The following SLC44A5 variants were observed in gnomAD, a reference collection of about 807,000 sequenced individuals.
SLC44A5 encodes solute carrier family 44 member 5, also known as choline transporter-like protein 5.
Under a neutral mutation model 101.8 loss-of-function variants are expected in SLC44A5, and 57 were observed. The observed-to-expected ratio is 0.56, with a 90% CI of 0.45 to 0.70. SLC44A5 has a LOEUF of 0.70. SLC44A5 is among the 30% of genes least tolerant of loss of function. The pLI, the probability that SLC44A5 is intolerant of heterozygous loss-of-function variation, is 0.00. For missense variants in SLC44A5, 737 were observed against 853.1 expected (o/e 0.86, Z 1.70); for synonymous variants, 281 against 290.9 (o/e 0.97, Z 0.35).
In SLC44A5 at chr1:75,603,753, G is replaced by GTTTTTTTT. The variant is rs57844833; in HGVS notation, c.-70+7279_-70+7286dup. ...TTAGTGATGTGGAGCATTTTTTCATGTTTTTTTTTTTTTTTTTGCTGCTTG... is the reference window on the plus strand; with the variant it reads ...TTAGTGATGTGGAGCATTTTTTCATGTTTTTTTTTTTTTTTTTTTTTTTTTGCTGCTTG... On this transcript the variant is annotated intron_variant, in intron 1 of 23. Transcript: ENST00000370859. Among the ~76,000 whole-genome samples, 269 of 54,028 alleles carry GTTTTTTTT rather than the reference G, an allele frequency of 5.0e-3. 16 individuals are homozygous for GTTTTTTTT. Among genetic ancestry groups the GTTTTTTTT allele is most frequent in the African/African-American group, 9.4e-3 (103 of 10,908 alleles). The allele number at this position is 54,028 out of a possible 152,430, so 35.4% of individuals were successfully genotyped here. A position where few individuals can be genotyped will look rare whatever the true frequency, so the allele number is the denominator to read the frequency against.
At chr1:75,392,394 C>T (rs772833324) in intron 3 of SLC44A5, among the ~76,000 whole-genome samples, 30 of 151,928 alleles carry the variant, frequency 2.0e-4, no homozygotes, top group African/African-American at 2.9e-4. Flanking sequence ...AAGAAACAAA[C>T]GAAAAAAATG....
upstream of SLC44A5, chr1:75,615,930 C>G: frequency 2.1e-6 from 2 of 973,924 alleles, no homozygotes; most frequent in Non-Finnish European, 2.4e-6. Flanking sequence ...GCGCTTCCTC[C>G]GGCTGCCGCG....
At chr1:75,426,642 A>C (rs1664323361) in intron 2 of SLC44A5, among the ~76,000 whole-genome samples, 1 of 152,352 alleles carries the variant, frequency 6.6e-6, no homozygotes. Flanking sequence ...ATAATTCTCC[A>C]TATGTGAAGA....
chr1:75,493,891 A>G (rs1668542474), intron 2 of SLC44A5, among the ~76,000 whole-genome samples: 1 of 152,192 alleles, frequency 6.6e-6, no homozygotes, highest in Admixed American at 6.5e-5. Flanking sequence ...TTCTCACTTC[A>G]AAGCAGCATC....
At chr1:75,659,067 T>C in the SLC44A5 span, among the ~76,000 whole-genome samples, 1 of 151,880 alleles carries the variant, frequency 6.6e-6, no homozygotes, top group Non-Finnish European at 1.5e-5. Context: ...CTAACAAGAT[T>C]AAATCATGAA....
At chr1:75,594,179 T>C (rs1674509887) in intron 1 of SLC44A5, among the ~76,000 whole-genome samples, 1 of 151,978 alleles carries the variant, frequency 6.6e-6, no homozygotes, top group South Asian at 2.1e-4. Flanking sequence ...ACATTGAGAC[T>C]ATCTCCAGTT....
chr1:75,311,969 TG>T (rs1375311693), intron 4 of SLC44A5, among the ~76,000 whole-genome samples: 4 of 152,144 alleles, frequency 2.6e-5, no homozygotes, highest in Admixed American at 1.3e-4. Flanking sequence ...GGTTTGGCTG[TG>T]TCCCCAACCC....
At chr1:75,632,799 C>T in the SLC44A5 span, among the ~76,000 whole-genome samples, 1 of 152,144 alleles carries the variant, frequency 6.6e-6, no homozygotes, top group Non-Finnish European at 1.5e-5. Context: ...AGTTACCTAA[C>T]ATCTCTGCTG....
chr1:75,596,191 A>G (rs1042800274), intron 1 of SLC44A5, among the ~76,000 whole-genome samples: 1 of 129,918 alleles, frequency 7.7e-6, no homozygotes, highest in African/African-American at 2.9e-5. Context: ...AGTTCAACAT[A>G]GTAGACACAT....
chr1:75,357,192 T>C (rs1295285894), intron 3 of SLC44A5: 2 of 455,806 alleles, frequency 4.4e-6, no homozygotes, highest in African/African-American at 4.0e-5. Flanking sequence ...CGTTATGCCT[T>C]TTCTTGGCCT....
upstream of SLC44A5, chr1:75,615,800 A>G: frequency 1.1e-6 from 1 of 937,944 alleles, no homozygotes; most frequent in Non-Finnish European, 1.3e-6. Flanking sequence ...CCCGAGGGGC[A>G]GAGGGCGGGT....
chr1:75,503,712 T>A (rs1669092770), intron 2 of SLC44A5, among the ~76,000 whole-genome samples: 1 of 152,196 alleles, frequency 6.6e-6, no homozygotes, highest in African/African-American at 2.4e-5. Flanking sequence ...GCTGAAAGAA[T>A]TATTGGCCTG....
intron 2 of SLC44A5, among the ~76,000 whole-genome samples, chr1:75,465,692 G>T (rs1370638286): frequency 6.6e-6 from 1 of 151,984 alleles, no homozygotes; most frequent in Non-Finnish European, 1.5e-5. Context: ...AAATGAAAAA[G>T]GAGATATTAC....
chr1:75,290,263 A>G (rs1653429603), intron 5 of SLC44A5, among the ~76,000 whole-genome samples: 1 of 152,214 alleles, frequency 6.6e-6, no homozygotes, highest in Non-Finnish European at 1.5e-5. Context: ...TGTAGGAAAC[A>G]ATGCCCTTCG....
chr1:75,651,557 C>T, the SLC44A5 span, among the ~76,000 whole-genome samples: 2 of 151,692 alleles, frequency 1.3e-5, no homozygotes, highest in African/African-American at 4.8e-5. Flanking sequence ...ATTAGCTGGG[C>T]GTGGTGGTGG....
intron 2 of SLC44A5, among the ~76,000 whole-genome samples, chr1:75,408,790 T>C (rs945460892): frequency 6.6e-6 from 1 of 152,132 alleles, no homozygotes; most frequent in South Asian, 2.1e-4. Context: ...CAAACCACCA[T>C]GGCACATGTA....
intron 2 of SLC44A5, among the ~76,000 whole-genome samples, chr1:75,488,438 G>T (rs115015141): frequency 6.6e-6 from 1 of 152,140 alleles, no homozygotes; most frequent in South Asian, 2.1e-4. Flanking sequence ...TAAAAACAAC[G>T]TAGTATAATA....
chr1:75,675,304 T>C, the SLC44A5 span, among the ~76,000 whole-genome samples: 1 of 152,190 alleles, frequency 6.6e-6, no homozygotes, highest in African/African-American at 2.4e-5. Context: ...TGGTTCATAG[T>C]TCTTCTTGAA....
chr1:75,317,236 G>A (rs1031787667), intron 4 of SLC44A5, among the ~76,000 whole-genome samples: 1 of 152,206 alleles, frequency 6.6e-6, no homozygotes, highest in African/African-American at 2.4e-5. Context: ...ATCACAGCAG[G>A]TCAGTGAAAG....
Sources: gnomAD v4.1 joint callset for allele counts (sites outside exome capture counted in the v4.1 genomes callset) on GRCh38, gnomAD v4.1.1 for gene constraint, MANE v1.5 for transcripts, NCBI Gene and HGNC (gene_info 2026-07-23, HGNC 2026-07-21) for gene names.